The following GRB2 variants were observed in gnomAD, a reference collection of about 807,000 sequenced individuals.
The protein encoded by GRB2 is growth factor receptor-bound protein 2.
A neutral mutation model predicts 27.4 loss-of-function variants in GRB2; 2 were observed. The observed-to-expected ratio is 0.07, with a 90% CI of 0.03 to 0.23. The LOEUF is 0.23. Among genes scored for constraint, GRB2 ranks in the 10% least tolerant of loss-of-function variants. The pLI is 1.00. For synonymous variants in GRB2, 94 were observed against 99.6 expected (o/e 0.94, Z 0.33); for missense variants, 102 against 282.4 (o/e 0.36, Z 4.58).
chr17:75,394,574 G>C (rs2079018783), intron 1 of GRB2, among the ~76,000 whole-genome samples: 1 of 152,186 alleles, frequency 6.6e-6, no homozygotes, highest in Admixed American at 6.5e-5. Context: ...CCAAGGCTCA[G>C]CACTCCAGAA....
intron 2 of GRB2, among the ~76,000 whole-genome samples, chr17:75,363,162 T>C (rs55835062): frequency 1.3e-3 from 194 of 152,288 alleles, no homozygotes; most frequent in South Asian, 2.3e-3. Context: ...TTCCATCCCA[T>C]AGATCTCCTG....
At chr17:75,400,585 C>T (rs2079057401) in intron 1 of GRB2, among the ~76,000 whole-genome samples, 1 of 152,126 alleles carries the variant, frequency 6.6e-6, no homozygotes, top group African/African-American at 2.4e-5. Context: ...AGCGATTCTC[C>T]TTGCCTCAGC....
Position 75,320,314 on chromosome 17 carries a change from C to A in GRB2, c.*54G>T. Reference sequence around the variant, plus strand: ...TCAGAGGCAGCTTGTGGGTTTAATTCTTTTGTATGTGTTTTACATTTTTCA... The same window carrying A: ...TCAGAGGCAGCTTGTGGGTTTAATTATTTTGTATGTGTTTTACATTTTTCA... On this transcript the variant is annotated 3_prime_UTR_variant, in exon 6 of 6. Coordinates refer to ENST00000316804, the MANE Select transcript of GRB2 (RefSeq NM_002086.5). This position sits in a 1 kb window ranked among gnomAD's most constrained non-coding sequence, Gnocchi z 4.3. 3.4e-6 allele frequency: 5 copies of A among 1,485,356 alleles called. No individual in the cohort carries two copies. The highest frequency in any genetic ancestry group is 4.7e-6 in the Non-Finnish European group (5 of 1,064,470). The allele number at this position is 1,485,356 out of a possible 1,614,324, so 92.0% of individuals were successfully genotyped here.
chr17:75,338,510 G>A (rs1303865483), intron 2 of GRB2, among the ~76,000 whole-genome samples: 1 of 152,162 alleles, frequency 6.6e-6, no homozygotes, highest in Non-Finnish European at 1.5e-5. Context: ...AATCTCCAAG[G>A]AATGTTTTTA....
intron 2 of GRB2, among the ~76,000 whole-genome samples, chr17:75,361,153 T>C (rs1051070963): frequency 2.0e-5 from 3 of 152,144 alleles, no homozygotes; most frequent in Admixed American, 2.0e-4. Context: ...TTCCCAGAGA[T>C]AGTACTTTTA....
intron 2 of GRB2, among the ~76,000 whole-genome samples, chr17:75,385,852 G>A (rs1396330284): frequency 6.6e-6 from 1 of 152,188 alleles, no homozygotes; most frequent in Non-Finnish European, 1.5e-5. Context: ...TGTTGATACA[G>A]ATCAACGTTA....
intron 2 of GRB2, among the ~76,000 whole-genome samples, chr17:75,346,759 C>T (rs1462987467): frequency 2.6e-5 from 4 of 151,558 alleles, no homozygotes; most frequent in African/African-American, 7.3e-5. Flanking sequence ...TTAGTAGAGA[C>T]GGGGTTTCAT....
At chr17:75,323,121 TAAAAAAA>T (rs55801107) in intron 4 of GRB2, among the ~76,000 whole-genome samples, 3 of 101,294 alleles carry the variant, frequency 3.0e-5, no homozygotes, top group East Asian at 2.7e-4. Context: ...TCCATCTCAT[TAAAAAAA>T]AAAAAAAAAA....
intron 2 of GRB2, among the ~76,000 whole-genome samples, chr17:75,354,142 G>A (rs763704439): frequency 1.4e-4 from 21 of 152,076 alleles, no homozygotes; most frequent in South Asian, 4.2e-4. Context: ...AGGCTATTTC[G>A]GCTGGGTATA....
In GRB2 at chr17:75,321,817, C is replaced by T. The variant is rs756413472; in HGVS notation, c.310G>A (p.Asp104Asn). 3.1e-6 allele frequency: 5 copies of T among 1,613,842 alleles called. No individual in the cohort carries two copies. The highest frequency in any genetic ancestry group is 3.4e-6 in the Non-Finnish European group (4 of 1,180,006). ...DFSLSVKFGN[D>N]VQHFKVLRDG... ...CGGAGCACCTTGAAGTGCTGCACAT[C>T]GTTTCCAAACCTGGGAGGGACAGAA... Residue 104 changes from aspartate (D) to asparagine (N), a missense_variant, in exon 5 of 6, where the codon GAT becomes AAT. By Grantham distance (23) the Asp-to-Asn change is conservative. Around this residue, in one of 3 missense-constraint regions of GRB2, gnomAD observed 57 missense variants for 152.9 expected, o/e 0.37. Transcript: ENST00000316804.
intron 4 of GRB2, among the ~76,000 whole-genome samples, chr17:75,323,282 A>G (rs2078473038): frequency 6.6e-6 from 1 of 152,084 alleles, no homozygotes; most frequent in Non-Finnish European, 1.5e-5. Flanking sequence ...ACTCAGCACA[A>G]GATGCCTCGC....
Position 75,320,073 on chromosome 17 carries a change from A to G in GRB2, c.*295T>C, listed in dbSNP as rs371195211. ...CTATACGTGGCCTTAAACGTCATGC[A>G]CTGATGGACAGAAGAGAAAAAAGGA... On this transcript the variant is annotated 3_prime_UTR_variant, in exon 6 of 6. Transcript: ENST00000316804. This position sits in a 1 kb window ranked among gnomAD's most constrained non-coding sequence, Gnocchi z 4.3. 3 of 319,866 alleles carry G rather than the reference A, an allele frequency of 9.4e-6. No homozygotes were observed. The highest frequency in any genetic ancestry group is 6.3e-5 in the African/African-American group (3 of 47,842). The allele number at this position is 319,866 out of a possible 1,614,324, so 19.8% of individuals were successfully genotyped here.
intron 3 of GRB2, among the ~76,000 whole-genome samples, chr17:75,330,379 TCAAACAAA>T (rs370595543): frequency 1.3e-4 from 20 of 149,968 alleles, no homozygotes; most frequent in Middle Eastern, 3.6e-3. Flanking sequence ...AGACTCCATC[TCAAACAAA>T]CAAACAAACA....
intron 2 of GRB2, among the ~76,000 whole-genome samples, chr17:75,367,310 A>G (rs1271200823): frequency 6.6e-6 from 1 of 152,122 alleles, no homozygotes; most frequent in African/African-American, 2.4e-5. Flanking sequence ...AGTTGAGACT[A>G]CAGGTGTGCA....
chr17:75,324,535 T>TTTTTTTG (rs1491359485), intron 4 of GRB2, among the ~76,000 whole-genome samples: 5 of 86,250 alleles, frequency 5.8e-5, no homozygotes, highest in African/African-American at 1.5e-4. Context: ...TTTTTTTTTT[T>TTTTTTTG]GGAGACAGAG....
chr17:75,362,504 A>G (rs1224949157), intron 2 of GRB2, among the ~76,000 whole-genome samples: 1 of 152,232 alleles, frequency 6.6e-6, no homozygotes, highest in Non-Finnish European at 1.5e-5. Flanking sequence ...GGGAGCCAAA[A>G]GATATTTTTT....
intron 2 of GRB2, among the ~76,000 whole-genome samples, chr17:75,347,196 G>A (rs1337091955): frequency 1.3e-5 from 2 of 152,124 alleles, no homozygotes; most frequent in Non-Finnish European, 2.9e-5. Flanking sequence ...GATAGCGGCA[G>A]GAGGCAGACA....
rs562871039 is a variant in GRB2 at position 75,403,601 on chromosome 17, C to G, written c.-138+1888G>C. Among the ~76,000 whole-genome samples the G allele has an allele frequency of 8.6e-5, 13 of 151,806 alleles. No homozygotes were observed. In the South Asian group the frequency reaches 2.7e-3, roughly 32 times the overall value. On this transcript the variant is annotated intron_variant, in intron 1 of 5. Transcript: ENST00000316804. Reference sequence around the variant, plus strand: ...CCAACATGGTGAAACTCTGTCTTTACAAAAATACAAAAATTAGCCAGGTGT... The same window carrying G: ...CCAACATGGTGAAACTCTGTCTTTAGAAAAATACAAAAATTAGCCAGGTGT...
At chr17:75,381,424 T>G (rs2078926729) in intron 2 of GRB2, among the ~76,000 whole-genome samples, 1 of 151,948 alleles carries the variant, frequency 6.6e-6, no homozygotes, top group African/African-American at 2.4e-5. Context: ...CTTTTCATAG[T>G]TATGTATGAA....
Sources: gnomAD v4.1 joint callset for allele counts (sites outside exome capture counted in the v4.1 genomes callset) on GRCh38, gnomAD v4.1.1 for gene constraint, gnomAD v4.1.1 regional missense constraint, Gnocchi (gnomAD v3.1) non-coding constraint, MANE v1.5 for transcripts, NCBI Gene and HGNC (gene_info 2026-07-23, HGNC 2026-07-21) for gene names.